MGRN1: variants seen among roughly 807,000 people sequenced by gnomAD.
MGRN1 encodes mahogunin ring finger 1.
In MGRN1, 29 loss-of-function variants were observed where a neutral mutation model predicts 69.2. The observed-to-expected ratio is 0.42, with a 90% CI of 0.31 to 0.57. The LOEUF (loss-of-function observed/expected upper bound fraction) is 0.57. MGRN1 is among the 20% of genes least tolerant of loss of function. MGRN1 has a pLI of 0.15. For missense variants in MGRN1, 998 were observed against 796.2 expected (o/e 1.25, Z -3.05); for synonymous variants, 470 against 344.2 (o/e 1.37, Z -4.04).
At chr16:4,668,854 A>G (rs1310516599) in intron 8 of MGRN1, among the ~76,000 whole-genome samples, 1 of 152,148 alleles carries the variant, frequency 6.6e-6, no homozygotes, top group Admixed American at 6.5e-5. Context: ...ACTCACACAC[A>G]TAAACTCACA....
intron 13 of MGRN1, among the ~76,000 whole-genome samples, chr16:4,682,185 C>G (rs1308985231): frequency 6.6e-6 from 1 of 152,226 alleles, no homozygotes; most frequent in African/African-American, 2.4e-5. Context: ...AACTCAGGAC[C>G]TGACAGTGAC....
intron 16 of MGRN1, among the ~76,000 whole-genome samples, chr16:4,685,846 C>G (rs865978051): frequency 3.3e-5 from 5 of 152,192 alleles, no homozygotes; most frequent in Admixed American, 6.5e-5. Flanking sequence ...TCACTGAACC[C>G]TGCTGTCCCT....
At chr16:4,641,448 G>A (rs73516842) in intron 1 of MGRN1, among the ~76,000 whole-genome samples, 10,227 of 151,556 alleles carry the variant, frequency 0.067, 1,126 homozygotes, top group African/African-American at 0.24. Flanking sequence ...TGCTGGGCTC[G>A]CATGGTCCTT....
At position 4,650,381 on chromosome 16, in the gene MGRN1, G is replaced by A. The variant is rs1317510992; in HGVS notation, c.105G>A (p.Ser35=). The A allele has an allele frequency of 2.5e-6, 4 of 1,611,232 alleles. No homozygotes were observed. The highest frequency in any genetic ancestry group is 1.3e-5 in the African/African-American group (1 of 74,584). ...TTTAAACAGGAAACTACTTTGCTTC[G>A]CACTTTTTCATGGGAGGAGAGAAAT... ...YPPKSGNYFA[S]HFFMGGEKFD... Residue 35 remains serine, a synonymous_variant, in exon 2 of 17, where the codon TCG becomes TCA. Coordinates refer to ENST00000262370, the MANE Select transcript of MGRN1 (RefSeq NM_015246.4).
chr16:4,646,132 C>T (rs549562565), intron 1 of MGRN1, among the ~76,000 whole-genome samples: 31 of 152,148 alleles, frequency 2.0e-4, no homozygotes, highest in African/African-American at 7.0e-4. Context: ...CACCATCACT[C>T]GTGAGTCCTC....
intron 1 of MGRN1, among the ~76,000 whole-genome samples, chr16:4,630,076 G>A (rs979341623): frequency 6.8e-6 from 1 of 147,446 alleles, no homozygotes; most frequent in Non-Finnish European, 1.5e-5. Context: ...AAAAGCGCAG[G>A]TGCAGTGGCT....
At chr16:4,642,850 G>C in intron 1 of MGRN1, among the ~76,000 whole-genome samples, 1 of 150,372 alleles carries the variant, frequency 6.7e-6, no homozygotes, top group Non-Finnish European at 1.5e-5. Flanking sequence ...GCAGTGGCTT[G>C]ATCAGGGTTC....
chr16:4,687,576 A>AT (rs1555460751), intron 16 of MGRN1: 2 of 748,740 alleles, frequency 2.7e-6, no homozygotes, highest in Non-Finnish European at 1.5e-6. Flanking sequence ...AGAAAAAAAA[A>AT]ATACACACAC....
chr16:4,682,620 G>C (rs1191677170), intron 13 of MGRN1, among the ~76,000 whole-genome samples: 1 of 152,180 alleles, frequency 6.6e-6, no homozygotes. Flanking sequence ...CCCCTCTGTC[G>C]GGCGGGTCTG....
chr16:4,642,482 G>GTT (rs1273179581), intron 1 of MGRN1, among the ~76,000 whole-genome samples: 10 of 150,032 alleles, frequency 6.7e-5, no homozygotes, highest in Non-Finnish European at 1.5e-4. Flanking sequence ...GTGTGTGTGT[G>GTT]TGTGTGTGTG....
intron 12 of MGRN1, 63 bp from the exon 13 acceptor site, chr16:4,681,487 A>C: frequency 6.8e-7 from 1 of 1,480,046 alleles, no homozygotes; most frequent in Non-Finnish European, 9.3e-7. Flanking sequence ...GGTCATCAGG[A>C]GGAGCGTCTG....
rs778144924 is a variant in MGRN1, at chr16:4,683,256, G to C, written c.1515G>C (p.Ser505=). 4.3e-6 allele frequency: 7 copies of C among 1,613,836 alleles called. No homozygotes were observed. In the East Asian group the frequency reaches 1.1e-4, roughly 26 times the overall value. The stretch of plus-strand genomic sequence containing the variant: ...TAACAGAAGAGGTTGATGAGTCGTC[G>C]TCACCACAGCAAGGTGAGCGCCTCC... The part of the protein sequence containing the change: ...SFITEEVDES[S]SPQQGTRAAS... The change falls in exon 15 of 17, where the codon TCG becomes TCC. Residue 505 remains serine (S), a synonymous_variant. Coordinates refer to ENST00000262370, the MANE Select transcript of MGRN1 (RefSeq NM_015246.4).
chr16:4,672,953 C>G (rs2078971544), intron 9 of MGRN1, among the ~76,000 whole-genome samples: 1 of 152,224 alleles, frequency 6.6e-6, no homozygotes, highest in Admixed American at 6.5e-5. Flanking sequence ...ATTCTCCTGC[C>G]TCAGCCTCCT....
chr16:4,632,362 C>T (rs866729684), intron 1 of MGRN1, among the ~76,000 whole-genome samples: 15 of 151,780 alleles, frequency 9.9e-5, no homozygotes, highest in Non-Finnish European at 1.5e-4. Flanking sequence ...ATACGAGTCA[C>T]ACTGAGAACA....
At chr16:4,630,457 T>G (rs1000932769) in intron 1 of MGRN1, among the ~76,000 whole-genome samples, 4 of 151,826 alleles carry the variant, frequency 2.6e-5, no homozygotes, top group African/African-American at 4.8e-5. Flanking sequence ...GTTGTTGTTG[T>G]TGGTTTTTTT....
At chr16:4,677,628 C>T in intron 11 of MGRN1, 56 bp downstream of exon 11, 1 of 1,537,486 alleles carries the variant, frequency 6.5e-7, no homozygotes. Context: ...AGTGCCTGGG[C>T]CAGGCGCAAG....
chr16:4,683,947 G>A lies in MGRN1; in HGVS notation c.1618+15G>A, dbSNP rs1202715146. ...CTACCTGCCAGGTAAGGGGCTGGGG[G>A]TCTGGGGGTGAGGGGCTGGGTGCCT... On this transcript the variant is annotated intron_variant, in intron 16 of 16. Transcript: ENST00000262370. 4 of 1,551,660 alleles carry A rather than the reference G, an allele frequency of 2.6e-6. No homozygotes were observed. The highest frequency in any genetic ancestry group is 2.4e-5 in the East Asian group (1 of 41,596).
At chr16:4,660,542 G>T (rs746761727) in intron 5 of MGRN1, among the ~76,000 whole-genome samples, 1 of 152,268 alleles carries the variant, frequency 6.6e-6, no homozygotes, top group Non-Finnish European at 1.5e-5. Flanking sequence ...GCCCACGCCA[G>T]TGCTGAGGTG....
intron 9 of MGRN1, among the ~76,000 whole-genome samples, chr16:4,673,029 G>A (rs752225007): frequency 1.3e-5 from 2 of 152,026 alleles, no homozygotes; most frequent in Non-Finnish European, 2.9e-5. Flanking sequence ...TAGTAGAGAC[G>A]GGGTTTCACT....
Sources: gnomAD v4.1 joint callset for allele counts (sites outside exome capture counted in the v4.1 genomes callset) on GRCh38, gnomAD v4.1.1 for gene constraint, MANE v1.5 for transcripts, NCBI Gene and HGNC (gene_info 2026-07-23, HGNC 2026-07-21) for gene names.